Variants in SCRIB observed in about 807,000 individuals in gnomAD.
SCRIB encodes scribble planar cell polarity protein.
A neutral mutation model predicts 170.0 loss-of-function variants in SCRIB; 72 were observed. That is an observed-to-expected ratio of 0.42 (90% confidence interval 0.35 to 0.52). The LOEUF (loss-of-function observed/expected upper bound fraction) is 0.52, where lower values mean the gene tolerates loss of function less well. Among genes scored for constraint, SCRIB ranks in the 20% least tolerant of loss-of-function variants. SCRIB has a pLI of 0.02. For missense variants in SCRIB, 2,475 were observed against 2,338.5 expected (o/e 1.06, Z -1.20); for synonymous variants, 1,298 against 1,044.3 (o/e 1.24, Z -4.68).
At chr8:143,806,155 C>T (rs962211427) in intron 18 of SCRIB, among the ~76,000 whole-genome samples, 3 of 152,164 alleles carry the variant, frequency 2.0e-5, no homozygotes, top group African/African-American at 7.2e-5. Context: ...CACACCTGTA[C>T]CCACAGAACA....
rs747314323 is a variant in SCRIB at position 143,813,629 on chromosome 8, G to A, written c.446+8C>T. ...CCCCACCCTAGTTCCACCTGAGAAG[G>A]CACTCACTTGCCCACGTCCCCGGGC... On this transcript the variant is annotated splice_region_variant and intron_variant, in intron 4 of 36. Transcript: ENST00000356994. 5 of 1,612,916 alleles carry A rather than the reference G, an allele frequency of 3.1e-6. No individual in the cohort carries two copies. The highest frequency in any genetic ancestry group is 1.7e-5 in the Admixed American group (1 of 60,004).
intron 26 of SCRIB, 43 bp from the exon 27 acceptor site, chr8:143,795,155 G>C (rs1814886213): frequency 6.2e-7 from 1 of 1,602,330 alleles, no homozygotes; most frequent in Admixed American, 1.7e-5. Flanking sequence ...GTAGCTCCGT[G>C]GCAGCACCCG....
intron 18 of SCRIB, 109 bp from the exon 19 acceptor site, chr8:143,805,544 C>A: frequency 8.8e-7 from 1 of 1,139,158 alleles, no homozygotes; most frequent in South Asian, 1.7e-5. Flanking sequence ...AGGCACAGGG[C>A]GAGGGGAAAG....
At position 143,795,727 on chromosome 8, in the gene SCRIB, C is replaced by T. The variant is rs117036218; in HGVS notation, c.3604-197G>A. Among the ~76,000 whole-genome samples the T allele has an allele frequency of 7.4e-4, 112 of 152,318 alleles. 1 individual carries two copies. In the South Asian group the frequency reaches 0.018, roughly 24 times the overall value. On this transcript the variant is annotated intron_variant, in intron 24 of 36. Coordinates refer to ENST00000356994, the MANE Select transcript of SCRIB (RefSeq NM_182706.5). Reference sequence around the variant, plus strand: ...CCCCAGGACGCTGCAGCACTGTCCCCGGCCGGTCCCCATCACAGCTCACAG... The same window carrying T: ...CCCCAGGACGCTGCAGCACTGTCCCTGGCCGGTCCCCATCACAGCTCACAG...
chr8:143,807,421 C>T (rs1554636890), intron 16 of SCRIB, 131 bp downstream of exon 16: 7 of 813,458 alleles, frequency 8.6e-6, no homozygotes, highest in Non-Finnish European at 1.5e-5. Context: ...TCCTGGAGCC[C>T]AGCTGGATCT....
rs1201219355 is a variant in SCRIB at position 143,809,035 on chromosome 8, CA to C, written c.1699-11del. 1.9e-6 allele frequency: 3 copies of C among 1,603,236 alleles called. No homozygotes were observed. The highest frequency in any genetic ancestry group is 2.6e-6 in the Non-Finnish European group (3 of 1,174,770). On this transcript the variant is annotated splice_polypyrimidine_tract_variant and intron_variant, in intron 14 of 36. Transcript: ENST00000356994. ...CGAAATGCACCGTGGGCTGTGCGGA[CA>C]AAAGGGTGAGGGTGGCCCCAGCTCT... is the stretch of plus-strand genomic sequence containing the variant.
chr8:143,799,745 A>T (rs1815094446), intron 24 of SCRIB, among the ~76,000 whole-genome samples: 1 of 151,898 alleles, frequency 6.6e-6, no homozygotes. Flanking sequence ...CACGACCCCT[A>T]AAAATGCACC....
In SCRIB at chr8:143,792,760, C is replaced by T. The variant is rs782818112; in HGVS notation, c.4125G>A (p.Lys1375=). The change falls in exon 30 of 37, where the codon AAG becomes AAA. Residue 1375 remains lysine (K), a synonymous_variant. Coordinates refer to ENST00000356994, the MANE Select transcript of SCRIB (RefSeq NM_182706.5). ...CGTCAGCACCCACCAGGGACACGCG[C>T]TTAGGGGGGCCCTCGGCCTGGGGCA... ...VRVPQAEGPP[K]RVSLVGADDL... 1 of 1,589,008 alleles carries T rather than the reference C, an allele frequency of 6.3e-7. No individual in the cohort carries two copies. The highest frequency in any genetic ancestry group is 1.7e-5 in the Admixed American group (1 of 57,594).
chr8:143,793,266 A>G (rs1021984278), intron 28 of SCRIB, 183 bp from the exon 29 acceptor site: 34 of 485,796 alleles, frequency 7.0e-5, no homozygotes, highest in African/African-American at 6.8e-4. Flanking sequence ...CGGAGTGGGG[A>G]CAACCTCTGC....
Position 143,793,856 on chromosome 8 carries a change from C to T in SCRIB, c.3909+44G>A, listed in dbSNP as rs202141949. The T allele has an allele frequency of 1.1e-4, 180 of 1,596,498 alleles. 1 individual carries two copies. Among genetic ancestry groups the T allele is most frequent in the Middle Eastern group, 5.4e-4 (3 of 5,552 alleles). The stretch of plus-strand genomic sequence containing the variant: ...TGTGCACAGCGGCCATCTGCCCTGC[C>T]CTCCACCCACCATGGGGCACACCCG... On this transcript the variant is annotated intron_variant, in intron 28 of 36. Transcript: ENST00000356994.
chr8:143,806,849 G>A (rs1554636693), intron 17 of SCRIB, 75 bp downstream of exon 17: 5 of 1,042,822 alleles, frequency 4.8e-6, no homozygotes, highest in Non-Finnish European at 5.7e-6. Flanking sequence ...AGGGCAAGGG[G>A]CCTGTGTGCC....
chr8:143,793,171 G>T, intron 28 of SCRIB, 88 bp from the exon 29 acceptor site: 2 of 724,252 alleles, frequency 2.8e-6, no homozygotes, highest in Non-Finnish European at 4.2e-6. Flanking sequence ...CCCCCCGCCT[G>T]TCCCCCCGCC....
At chr8:143,798,376 G>GGATGCGGACTGTACGTCCCC (rs1554634427) in intron 24 of SCRIB, among the ~76,000 whole-genome samples, 1 of 87,378 alleles carries the variant, frequency 1.1e-5, no homozygotes, top group Non-Finnish European at 3.6e-5. Context: ...TGAGAACACA[G>GGATGCGGACTGTACGTCCCC]GATGCGGACT....
Position 143,795,049 on chromosome 8 carries a change from TGCCAGCGCTGGGCACGGCG to T in SCRIB, c.3816_3834del (p.Val1274CysfsTer38). 2 of 1,610,828 alleles carry T rather than the reference TGCCAGCGCTGGGCACGGCG, an allele frequency of 1.2e-6. No individual in the cohort carries two copies. The highest frequency in any genetic ancestry group is 1.7e-6 in the Non-Finnish European group (2 of 1,179,144). ...CACTGGGCACTCACCCTCTGCACGC[TGCCAGCGCTGGGCACGGCG>T]GCCAGGGCGCGGTAGTCCAGCTTCA... On this transcript the variant is annotated frameshift_variant, in exon 27 of 37. Transcript: ENST00000356994. LOFTEE classifies it high-confidence loss of function.
In SCRIB at chr8:143,811,172, C is replaced by A; in HGVS notation, c.1080G>T (p.Leu360=). The change falls in exon 10 of 37, where the codon CTG becomes CTT. Residue 360 remains leucine (L), a synonymous_variant. Transcript: ENST00000356994. ...GGTTCCCCGCCACGTCCAGCACGTGCAGCTCTGTCGTGTGGGCCAGCTCTG... is the reference window on the plus strand; with the variant it reads ...GGTTCCCCGCCACGTCCAGCACGTGAAGCTCTGTCGTGTGGGCCAGCTCTG... The part of the protein sequence containing the change: ...LPPELAHTTE[L]HVLDVAGNRL... The A allele has an allele frequency of 1.2e-6, 2 of 1,609,814 alleles. No homozygotes were observed. The highest frequency in any genetic ancestry group is 1.7e-6 in the Non-Finnish European group (2 of 1,178,642).
chr8:143,800,038 C>G lies in SCRIB; in HGVS notation c.3603+3345G>C, dbSNP rs1046328859. On this transcript the variant is annotated intron_variant, in intron 24 of 36. Transcript: ENST00000356994. ...GGGTCATGAATTGAAGCCCCCCCCC[C>G]ACCCCACCCATGCTCTGGAGTCAGA... 1.0e-4 allele frequency among the ~76,000 whole-genome samples: 13 copies of G among 128,242 alleles called. 1 individual carries two copies. The highest frequency in any genetic ancestry group is 6.2e-4 in the Admixed American group (8 of 12,888). 84.1% of individuals were successfully genotyped at this position (128,242 alleles called of 152,430 possible).
chr8:143,791,254 G>A lies in SCRIB; in HGVS notation c.4877C>T (p.Pro1626Leu). 1 of 1,512,186 alleles carries A rather than the reference G, an allele frequency of 6.6e-7. No individual in the cohort carries two copies. Among genetic ancestry groups the A allele is most frequent in the South Asian group, 1.3e-5 (1 of 76,972 alleles). 93.7% of individuals were successfully genotyped at this position (1,512,186 alleles called of 1,614,324 possible). Reference sequence around the variant, plus strand: ...CACATCTTCAGGGCCCACAGCGCCGGGTGAGGGCCTGCCCAGAAGCACCAG... The same window carrying A: ...CACATCTTCAGGGCCCACAGCGCCGAGTGAGGGCCTGCCCAGAAGCACCAG... ...VALVLLGRPS[P>L]GAVGPEDVAL... is the part of the protein sequence containing the mutation. Residue 1626 changes from proline (P) to leucine (L), a missense_variant, in exon 37 of 37, where the codon CCC becomes CTC. By Grantham distance (98) the Pro-to-Leu change is moderately conservative (BLOSUM62 -3). Around this residue, in one of 3 missense-constraint regions of SCRIB, gnomAD observed 1,966 missense variants for 1,742.9 expected, o/e 1.13. Transcript: ENST00000356994.
chr8:143,805,136 G>A lies in SCRIB; in HGVS notation c.2646C>T (p.Ser882=), dbSNP rs1174394626. The A allele has an allele frequency of 1.9e-6, 3 of 1,584,896 alleles. No individual in the cohort carries two copies. The highest frequency in any genetic ancestry group is 2.3e-5 in the East Asian group (1 of 44,438). ...CCGCATCACCAGCCCTGTAGGGTGTGGAGCCTTTCCCACCAGCAATGCTGA... is the reference window on the plus strand; with the variant it reads ...CCGCATCACCAGCCCTGTAGGGTGTAGAGCCTTTCCCACCAGCAATGCTGA... ...LGFSIAGGKG[S]TPYRAGDAGI... Residue 882 remains serine, a synonymous_variant, in exon 19 of 37, where the codon TCC becomes TCT. Transcript: ENST00000356994.
Position 143,815,492 on chromosome 8 carries a change from C to T in SCRIB, c.-120G>A. On this transcript the variant is annotated 5_prime_UTR_variant, in exon 1 of 37. Transcript: ENST00000356994. ...GGGGGCGCAGGCAGGGGGCGGGCCGCCCGAGACTGGACGGGGACGCGGCCG... is the reference window on the plus strand; with the variant it reads ...GGGGGCGCAGGCAGGGGGCGGGCCGTCCGAGACTGGACGGGGACGCGGCCG... 1 of 1,001,216 alleles carries T rather than the reference C, an allele frequency of 1.0e-6. No homozygotes were observed. Among genetic ancestry groups the T allele is most frequent in the Non-Finnish European group, 1.2e-6 (1 of 841,496 alleles). The allele number at this position is 1,001,216 out of a possible 1,614,324, so 62.0% of individuals were successfully genotyped here.
Sources: allele counts gnomAD v4.1 joint callset (sites outside exome capture counted in the v4.1 genomes callset), GRCh38; gene constraint gnomAD v4.1.1; regional missense constraint gnomAD v4.1.1; transcripts MANE v1.5; gene names NCBI Gene and HGNC (gene_info 2026-07-23, HGNC 2026-07-21).